Variants in PARP8 observed in about 807,000 individuals in gnomAD.
PARP8 encodes poly(ADP-ribose) polymerase family member 8.
In PARP8, 51 loss-of-function variants were observed where a neutral mutation model predicts 124.1. That is an observed-to-expected ratio of 0.41 (90% CI 0.33 to 0.52). PARP8 has a LOEUF of 0.52. PARP8 is among the 20% of genes least tolerant of loss of function. The probability of loss-of-function intolerance (pLI) is 0.21; values close to 1 mark genes in which losing one functional copy is unlikely to be tolerated. For synonymous variants in PARP8, 391 were observed against 361.5 expected (o/e 1.08, Z -0.93); for missense variants, 860 against 1,018.9 (o/e 0.84, Z 2.12).
intron 25 of PARP8, among the ~76,000 whole-genome samples, chr5:50,837,938 T>C (rs1747765853): frequency 1.3e-5 from 2 of 152,120 alleles, no homozygotes. Context: ...TCCTAGTTTC[T>C]AGAAACTGTG....
At position 50,844,360 on chromosome 5, in the gene PARP8, T is replaced by C. The variant is rs568021174; in HGVS notation, c.*2292T>C. The C allele has an allele frequency of 3.3e-5, 5 of 151,750 alleles. No individual in the cohort carries two copies. Among genetic ancestry groups the C allele is most frequent in the Admixed American group, 6.6e-5 (1 of 15,182 alleles). 9.4% of individuals were successfully genotyped at this position (151,750 alleles called of 1,614,324 possible). On this transcript the variant is annotated 3_prime_UTR_variant, in exon 26 of 26. Transcript: ENST00000281631. ...AAGGAGAATCAATCTTATTTTTTAA[T>C]TGAACTTTTTGAAATTAGGGATACT...
intron 3 of PARP8, among the ~76,000 whole-genome samples, chr5:50,754,116 CATATATATATAT>C (rs373375463): frequency 0.014 from 920 of 64,658 alleles, 59 homozygotes; most frequent in African/African-American, 0.054. Flanking sequence ...TGAAAACATT[CATATATATATAT>C]ATATATATAT....
chr5:50,816,905 G>T (rs1368940030), intron 15 of PARP8, among the ~76,000 whole-genome samples: 1 of 151,954 alleles, frequency 6.6e-6, no homozygotes, highest in Admixed American at 6.6e-5. Flanking sequence ...GAAAAAAAAG[G>T]TACTTTAATA....
In PARP8 at chr5:50,843,622, G is replaced by C. The variant is rs1401128338; in HGVS notation, c.*1554G>C. Reference sequence around the variant, plus strand: ...TTTGATAGTATCTACTTAAAGCATTGATCTGTTTTGACTTGTGGCTCTGAA... The same window carrying C: ...TTTGATAGTATCTACTTAAAGCATTCATCTGTTTTGACTTGTGGCTCTGAA... On this transcript the variant is annotated 3_prime_UTR_variant, in exon 26 of 26. Transcript: ENST00000281631. The C allele has an allele frequency of 1.3e-5, 2 of 151,702 alleles. No individual in the cohort carries two copies. The highest frequency in any genetic ancestry group is 3.9e-4 in the East Asian group (2 of 5,170). 9.4% of individuals were successfully genotyped at this position (151,702 alleles called of 1,614,324 possible). A position where few individuals can be genotyped will look rare whatever the true frequency, so the allele number is the denominator to read the frequency against.
chr5:50,834,899 G>C, intron 24 of PARP8, 32 bp from the exon 25 acceptor site: 1 of 1,557,464 alleles, frequency 6.4e-7, no homozygotes, highest in South Asian at 1.1e-5. Context: ...TTAGAATAAA[G>C]TGGTTCTTTA....
intron 2 of PARP8, among the ~76,000 whole-genome samples, chr5:50,749,562 A>T (rs1256483055): frequency 6.6e-6 from 1 of 152,110 alleles, no homozygotes; most frequent in Non-Finnish European, 1.5e-5. Flanking sequence ...TATAATTTAA[A>T]AATTATTTTG....
chr5:50,737,743 C>T (rs1757616603), intron 2 of PARP8, among the ~76,000 whole-genome samples: 1 of 152,118 alleles, frequency 6.6e-6, no homozygotes, highest in Admixed American at 6.5e-5. Context: ...TCAAAATTGG[C>T]ATTGTAATCA....
chr5:50,794,811 A>G (rs113100045), intron 11 of PARP8, 42 bp from the exon 12 acceptor site: 2 of 1,519,088 alleles, frequency 1.3e-6, no homozygotes, highest in African/African-American at 1.4e-5. Flanking sequence ...GGTCTGATGT[A>G]CCTGTGATTT....
chr5:50,779,094 A>G (rs1459448918), intron 9 of PARP8, among the ~76,000 whole-genome samples: 1 of 152,138 alleles, frequency 6.6e-6, no homozygotes, highest in Non-Finnish European at 1.5e-5. Flanking sequence ...TTTTATTTCA[A>G]CTGATAGCTG....
chr5:50,760,090 C>T (rs868289060), intron 4 of PARP8, among the ~76,000 whole-genome samples: 1 of 152,100 alleles, frequency 6.6e-6, no homozygotes, highest in South Asian at 2.1e-4. Context: ...TTAGTTTAAT[C>T]ACATCTTTCT....
chr5:50,714,042 C>T (rs1403024108), intron 2 of PARP8, among the ~76,000 whole-genome samples: 1 of 151,636 alleles, frequency 6.6e-6, no homozygotes, highest in African/African-American at 2.4e-5. Flanking sequence ...ACATTTGTGG[C>T]ATTTTAAGCC....
chr5:50,677,719 T>TAAG (rs1750796036), intron 2 of PARP8, among the ~76,000 whole-genome samples: 3 of 152,204 alleles, frequency 2.0e-5, no homozygotes, highest in Non-Finnish European at 4.4e-5. Flanking sequence ...TTTGATGTCT[T>TAAG]ACATGTACAG....
At chr5:50,831,292 T>A (rs765554530) in intron 22 of PARP8, among the ~76,000 whole-genome samples, 1 of 152,090 alleles carries the variant, frequency 6.6e-6, no homozygotes, top group Non-Finnish European at 1.5e-5. Context: ...ATTCTTTGGG[T>A]CAGGAATCTA....
rs865829126 is a variant in PARP8, at chr5:50,829,890, A to G, written c.2164-2A>G. The stretch of plus-strand genomic sequence containing the variant: ...CTCTCTCTCCCACTCTTCCCATCTT[A>G]GCTCCATGGTGCAATGTATGGAAGT... On this transcript the variant is annotated splice_acceptor_variant, in intron 21 of 25. Transcript: ENST00000281631. LOFTEE classifies it high-confidence loss of function. 2 of 1,603,320 alleles carry G rather than the reference A, an allele frequency of 1.2e-6. No individual in the cohort carries two copies. The highest frequency in any genetic ancestry group is 3.3e-4 in the Middle Eastern group (2 of 6,022).
At chr5:50,761,663 C>T (rs902351086) in intron 5 of PARP8, among the ~76,000 whole-genome samples, 158 bp from the exon 6 acceptor site, 3 of 152,082 alleles carry the variant, frequency 2.0e-5, no homozygotes, top group Non-Finnish European at 4.4e-5. Context: ...AGCCATTTGT[C>T]TCCCACTACC....
intron 2 of PARP8, among the ~76,000 whole-genome samples, chr5:50,671,991 G>A (rs13166556): frequency 0.21 from 31,787 of 151,960 alleles, 3,528 homozygotes; most frequent in South Asian, 0.34. Context: ...TAAATAGCAC[G>A]CGTGACACTA....
Position 50,824,957 on chromosome 5 carries a change from C to G in PARP8, c.1910C>G (p.Ala637Gly). The change falls in exon 18 of 26, where the codon GCT (alanine) becomes GGT (glycine). Residue 637 changes from alanine (A) to glycine (G), a missense_variant. Transcript: ENST00000281631. Reference sequence around the variant, plus strand: ...CAAATGGATAAACAGGACCCCCTTGCTCATCCCTTACTGCAATGGTATAAA... The same window carrying G: ...CAAATGGATAAACAGGACCCCCTTGGTCATCCCTTACTGCAATGGTATAAA... Reference protein sequence around the residue: ...KKQMDKQDPLAHPLLQWVISS... With the variant: ...KKQMDKQDPLGHPLLQWVISS... The G allele has an allele frequency of 6.2e-7, 1 of 1,612,576 alleles. No homozygotes were observed. Among genetic ancestry groups the G allele is most frequent in the Non-Finnish European group, 8.5e-7 (1 of 1,178,736 alleles).
chr5:50,755,516 C>T lies in PARP8; in HGVS notation c.185-4127C>T, dbSNP rs185884613. 3.4e-4 allele frequency among the ~76,000 whole-genome samples: 51 copies of T among 152,204 alleles called. 1 individual carries two copies. The East Asian group carries it at 7.1e-3, about 21-fold the overall frequency. On this transcript the variant is annotated intron_variant, in intron 3 of 25. Transcript: ENST00000281631. The stretch of plus-strand genomic sequence containing the variant: ...AGATGTGTGGTATTATTTCTGAGGG[C>T]TCTGTATTGTTCCATTGGTCTATAT...
intron 3 of PARP8, among the ~76,000 whole-genome samples, chr5:50,750,835 A>C (rs1025330650): frequency 3.3e-5 from 5 of 152,174 alleles, no homozygotes; most frequent in Non-Finnish European, 7.4e-5. Context: ...GTTATTCATT[A>C]AGGCTATGCC....
Sources: gnomAD v4.1 joint callset for allele counts (sites outside exome capture counted in the v4.1 genomes callset) on GRCh38, gnomAD v4.1.1 for gene constraint, MANE v1.5 for transcripts, NCBI Gene and HGNC (gene_info 2026-07-23, HGNC 2026-07-21) for gene names.